The following FGFRL1 variants were observed in gnomAD, a reference collection of about 807,000 sequenced individuals.
FGFRL1 encodes the protein fibroblast growth factor receptor-like 1.
Under a neutral mutation model 36.8 loss-of-function variants are expected in FGFRL1, and 24 were observed. The observed-to-expected ratio is 0.65, with a 90% CI of 0.47 to 0.92. The LOEUF is 0.92. Among genes scored for constraint, FGFRL1 ranks in the 40% least tolerant of loss-of-function variants. The pLI is 0.00. For missense variants in FGFRL1, 785 were observed against 753.4 expected, an observed-to-expected ratio of 1.04 and a Z score of -0.49; for synonymous variants, 422 against 344.1, an observed-to-expected ratio of 1.23 and a Z score of -2.50.
chr4:1,020,642 G>GGGGCAGGGCT (rs1444364695), intron 2 of FGFRL1, among the ~76,000 whole-genome samples: 5 of 128,292 alleles, frequency 3.9e-5, no homozygotes, highest in Non-Finnish European at 5.0e-5. Flanking sequence ...GGCAGGGGAT[G>GGGGCAGGGCT]GGGTGGGGAC....
chr4:1,021,777 T>C (rs1418992096), intron 2 of FGFRL1, among the ~76,000 whole-genome samples: 1 of 152,128 alleles, frequency 6.6e-6, no homozygotes, highest in African/African-American at 2.4e-5. Context: ...GCCCTTGTCC[T>C]TGGGGGGCCA....
At chr4:1,021,417 G>A (rs1281817567) in intron 2 of FGFRL1, among the ~76,000 whole-genome samples, 1 of 152,070 alleles carries the variant, frequency 6.6e-6, no homozygotes, top group Non-Finnish European at 1.5e-5. Flanking sequence ...TGGTCAGCCC[G>A]AGCTACGTCT....
rs181951656 is a variant in FGFRL1 at position 1,021,347 on chromosome 4, G to A, written c.80-856G>A. On this transcript the variant is annotated intron_variant, in intron 2 of 6. Transcript: ENST00000510644. ...GAGCCGCAGCCTTTCTGCTCCTGTG[G>A]GTTTCACAGGTGGTGGGAGGACATA... is the stretch of plus-strand genomic sequence containing the variant. Among the ~76,000 whole-genome samples the A allele has an allele frequency of 2.7e-3, 409 of 152,188 alleles. 2 individuals carry two copies. The highest frequency in any genetic ancestry group is 9.3e-3 in the African/African-American group (388 of 41,502).
In FGFRL1 at chr4:1,025,440, CA is replaced by C. The variant is rs895795650; in HGVS notation, c.*94del. 3 of 1,452,512 alleles carry C rather than the reference CA, an allele frequency of 2.1e-6. No homozygotes were observed. In the African/African-American group the frequency reaches 4.2e-5, roughly 21 times the overall value. The allele number at this position is 1,452,512 out of a possible 1,614,324, so 90.0% of individuals were successfully genotyped here. On this transcript the variant is annotated 3_prime_UTR_variant, in exon 7 of 7. Coordinates refer to ENST00000510644, the MANE Select transcript of FGFRL1 (RefSeq NM_001004356.3). ...GAGCTGCAGACGAAGGCAGGGGACC[CA>C]TGGCGAGGAGGAATGGCCAGCACCC...
intron 2 of FGFRL1, among the ~76,000 whole-genome samples, 191 bp downstream of exon 2, chr4:1,012,755 C>T (rs1011147560): frequency 6.6e-6 from 1 of 152,264 alleles, no homozygotes; most frequent in African/African-American, 2.4e-5. Context: ...CCGGGGCTCC[C>T]CTAGCTGGCT....
chr4:1,017,712 C>T (rs1210686033), intron 2 of FGFRL1, among the ~76,000 whole-genome samples: 1 of 152,182 alleles, frequency 6.6e-6, no homozygotes, highest in East Asian at 1.9e-4. Flanking sequence ...CATGACGCTG[C>T]ACGTGTGTCC....
rs1423202709 is a variant in FGFRL1 at position 1,025,744 on chromosome 4, C to A, written c.*397C>A. ...TGCTGCCTGGACACACACACACACA[C>A]GGATATGCTGTCTGGACGCACACAC... On this transcript the variant is annotated 3_prime_UTR_variant, in exon 7 of 7. Coordinates refer to ENST00000510644, the MANE Select transcript of FGFRL1 (RefSeq NM_001004356.3). The A allele has an allele frequency of 1.7e-4, 50 of 294,262 alleles. No individual in the cohort carries two copies. In the South Asian group the frequency reaches 2.2e-3, roughly 13 times the overall value. The allele number at this position is 294,262 out of a possible 1,614,324, so 18.2% of individuals were successfully genotyped here. A position where few individuals can be genotyped will look rare whatever the true frequency, so the allele number is the denominator to read the frequency against.
chr4:1,013,578 C>G (rs778755768), intron 2 of FGFRL1, among the ~76,000 whole-genome samples: 23 of 152,388 alleles, frequency 1.5e-4, no homozygotes, highest in Middle Eastern at 3.4e-3. Flanking sequence ...AGCGGCTGCT[C>G]TGAGGGCCCG....
In FGFRL1 at chr4:1,026,428, C is replaced by G. The variant is rs1035533772; in HGVS notation, c.*1081C>G. ...CCGTCACTCCCCCAACTCTGCCCGC[C>G]TCTGTCCCCGCCTCAGTCCCCGCCT... On this transcript the variant is annotated 3_prime_UTR_variant, in exon 7 of 7. Transcript: ENST00000510644. The G allele has an allele frequency of 1.3e-4, 20 of 158,554 alleles. No individual in the cohort carries two copies. The highest frequency in any genetic ancestry group is 2.6e-4 in the Non-Finnish European group (19 of 73,336). 9.8% of individuals were successfully genotyped at this position (158,554 alleles called of 1,614,324 possible).
rs1716289052 is a variant in FGFRL1 at position 1,023,151 on chromosome 4, G to A, written c.353-490G>A. Reference sequence around the variant, plus strand: ...TGGTCCTGGGCTCAGTGAAGGAGCGGCTGTCACAGGGTGGATGGAGGGGAC... The same window carrying A: ...TGGTCCTGGGCTCAGTGAAGGAGCGACTGTCACAGGGTGGATGGAGGGGAC... On this transcript the variant is annotated intron_variant, in intron 3 of 6. Transcript: ENST00000510644. This position sits in a 1 kb window ranked among gnomAD's most constrained non-coding sequence, Gnocchi z 6.0. 2.6e-5 allele frequency among the ~76,000 whole-genome samples: 4 copies of A among 152,286 alleles called. No individual in the cohort carries two copies. The South Asian group carries it at 8.3e-4, about 32-fold the overall frequency.
chr4:1,025,551 C>G lies in FGFRL1; in HGVS notation c.*204C>G, dbSNP rs991743356. ...CTGGATGCATGTATGCACACACATG[C>G]GCGCACACGTGCTCCCTGAAGGCAC... On this transcript the variant is annotated 3_prime_UTR_variant, in exon 7 of 7. Transcript: ENST00000510644. 10 of 660,218 alleles carry G rather than the reference C, an allele frequency of 1.5e-5. No homozygotes were observed. The highest frequency in any genetic ancestry group is 3.1e-5 in the Admixed American group (1 of 32,320). The allele number at this position is 660,218 out of a possible 1,614,324, so 40.9% of individuals were successfully genotyped here. A position where few individuals can be genotyped will look rare whatever the true frequency, so the allele number is the denominator to read the frequency against.
rs765297271 is a variant in FGFRL1, at chr4:1,025,104, C to A, written c.1272C>A (p.Arg424=). The A allele has an allele frequency of 1.9e-6, 3 of 1,610,802 alleles. No individual in the cohort carries two copies. The African/African-American group carries it at 4.0e-5, about 22-fold the overall frequency. ...GGCACCGCCCGCCGGGGACGGCCCG[C>A]GACCGCAGCGGAGACAAGGACCTTC... ...LPGHRPPGTA[R]DRSGDKDLPS... The change falls in exon 7 of 7, where the codon CGC becomes CGA. Residue 424 remains arginine (R), a synonymous_variant. Coordinates refer to ENST00000510644, the MANE Select transcript of FGFRL1 (RefSeq NM_001004356.3).
intron 2 of FGFRL1, among the ~76,000 whole-genome samples, chr4:1,018,847 C>CG (rs902953611): frequency 6.6e-5 from 10 of 150,884 alleles, no homozygotes; most frequent in African/African-American, 2.2e-4. Context: ...GGCCCTCCTG[C>CG]GGGGGGTCTT....
upstream of FGFRL1, chr4:1,011,027 GT>G (rs1346103752): frequency 1.3e-5 from 2 of 152,172 alleles, no homozygotes; most frequent in African/African-American, 2.4e-5. Flanking sequence ...CGCCGCGGCC[GT>G]CCCCCCCTAC....
At chr4:1,010,810 C>T (rs1050591479), upstream of FGFRL1, 1 of 152,242 alleles carries the variant, frequency 6.6e-6, no homozygotes, top group Admixed American at 6.5e-5. Context: ...GCGCTGTCTT[C>T]TCCACGCCTC....
chr4:1,011,688 C>A lies in FGFRL1; in HGVS notation c.-283C>A. ...GCGCGGCGCCCCGGGCCCCTCGCCC[C>A]GCCGCCCCGGGATCCCGGCCCCGGC... On this transcript the variant is annotated 5_prime_UTR_variant, in exon 1 of 7. Coordinates refer to ENST00000510644, the MANE Select transcript of FGFRL1 (RefSeq NM_001004356.3). The A allele has an allele frequency of 7.0e-6, 1 of 143,810 alleles. No individual in the cohort carries two copies. The highest frequency in any genetic ancestry group is 1.9e-4 in the South Asian group (1 of 5,314). 8.9% of individuals were successfully genotyped at this position (143,810 alleles called of 1,614,324 possible).
At position 1,023,804 on chromosome 4, in the gene FGFRL1, C is replaced by G. The variant is rs1261488713; in HGVS notation, c.434-13C>G. On this transcript the variant is annotated splice_polypyrimidine_tract_variant and intron_variant, in intron 4 of 6. Transcript: ENST00000510644. This position sits in a 1 kb window ranked among gnomAD's most constrained non-coding sequence, Gnocchi z 6.0. ...TCCCCGTCCTCTGACCTCCACGCCA[C>G]CCCACCCCGCAGCACGACCGCGCTT... The G allele has an allele frequency of 6.4e-7, 1 of 1,571,452 alleles. No individual in the cohort carries two copies. Among genetic ancestry groups the G allele is most frequent in the Admixed American group, 1.7e-5 (1 of 57,164 alleles).
rs1716470424 is a variant in FGFRL1, at chr4:1,025,499, A to G, written c.*152A>G. On this transcript the variant is annotated 3_prime_UTR_variant, in exon 7 of 7. Transcript: ENST00000510644. The stretch of plus-strand genomic sequence containing the variant: ...TCTGTGTGTGAGGCATAGCCCCTGG[A>G]CACACACACACAGACACACACACTG... 2.5e-6 allele frequency: 2 copies of G among 785,884 alleles called. No individual in the cohort carries two copies. The highest frequency in any genetic ancestry group is 3.9e-6 in the Non-Finnish European group (2 of 508,766). 48.7% of individuals were successfully genotyped at this position (785,884 alleles called of 1,614,324 possible).
In FGFRL1 at chr4:1,022,263, T is replaced by C. The variant is rs761913241; in HGVS notation, c.140T>C (p.Val47Ala). 1.3e-5 allele frequency: 21 copies of C among 1,589,170 alleles called. No individual in the cohort carries two copies. The South Asian group carries it at 2.4e-4, about 18-fold the overall frequency. Residue 47 changes from valine (V) to alanine (A), a missense_variant, in exon 3 of 7, where the codon GTG becomes GCG. Coordinates refer to ENST00000510644, the MANE Select transcript of FGFRL1 (RefSeq NM_001004356.3). ...PRQVARLGRT[V>A]RLQCPVEGDP... ...CAGGTGGCCCGGCTGGGCCGCACTG[T>C]GCGGCTGCAGTGCCCAGTGGAGGGG...
Sources: gnomAD v4.1 joint callset for allele counts (sites outside exome capture counted in the v4.1 genomes callset) on GRCh38, gnomAD v4.1.1 for gene constraint, Gnocchi (gnomAD v3.1) non-coding constraint, MANE v1.5 for transcripts, NCBI Gene and HGNC (gene_info 2026-07-23, HGNC 2026-07-21) for gene names.